The following CLEC16A variants were observed in gnomAD, a reference collection of about 807,000 sequenced individuals.
CLEC16A encodes C-type lectin domain containing 16A.
CLEC16A carries 51 observed loss-of-function variants against 109.5 expected under a neutral mutation model. The ratio of observed to expected loss-of-function variants is 0.47; its 90% confidence interval spans 0.37 to 0.59. CLEC16A has a LOEUF of 0.59. Among genes scored for constraint, CLEC16A ranks in the 20% least tolerant of loss-of-function variants. The probability of loss-of-function intolerance (pLI) is 0.00; values close to 1 mark genes in which losing one functional copy is unlikely to be tolerated. For missense variants in CLEC16A, 1,339 were observed against 1,394.0 expected (o/e 0.96, Z 0.63); for synonymous variants, 673 against 564.2 (o/e 1.19, Z -2.73).
chr16:11,141,560 G>T (rs1032781899), intron 22 of CLEC16A, among the ~76,000 whole-genome samples: 5 of 152,252 alleles, frequency 3.3e-5, no homozygotes, highest in African/African-American at 1.2e-4. Context: ...TGCGTGCTCT[G>T]GGTGGCCTCG....
At chr16:11,109,320 A>T (rs944929633) in intron 19 of CLEC16A, among the ~76,000 whole-genome samples, 1 of 151,764 alleles carries the variant, frequency 6.6e-6, no homozygotes, top group Non-Finnish European at 1.5e-5. Flanking sequence ...CACCCAGCTA[A>T]TTTTTTTATT....
intron 23 of CLEC16A, among the ~76,000 whole-genome samples, chr16:11,170,620 G>C (rs1026632259): frequency 6.6e-6 from 1 of 152,144 alleles, no homozygotes; most frequent in Non-Finnish European, 1.5e-5. Context: ...CCCACACGTG[G>C]CCTTCCAACC....
intron 4 of CLEC16A, among the ~76,000 whole-genome samples, chr16:10,970,798 G>A (rs148810277): frequency 4.6e-5 from 7 of 152,070 alleles, no homozygotes; most frequent in African/African-American, 9.7e-5. Context: ...CCAGCCTGGC[G>A]TGCAGTGGCA....
At chr16:10,969,341 G>T in intron 4 of CLEC16A, 32 bp downstream of exon 4, 25 of 1,404,964 alleles carry the variant, frequency 1.8e-5, no homozygotes, top group Non-Finnish European at 1.9e-5. Flanking sequence ...ACGTGTGGGT[G>T]TAAAGCCACA....
chr16:11,178,711 T>C lies in CLEC16A; in HGVS notation c.*21T>C, dbSNP rs2068864754. 1 of 1,443,416 alleles carries C rather than the reference T, an allele frequency of 6.9e-7. No individual in the cohort carries two copies. Among genetic ancestry groups the C allele is most frequent in the Non-Finnish European group, 9.1e-7 (1 of 1,096,218 alleles). The allele number at this position is 1,443,416 out of a possible 1,614,324, so 89.4% of individuals were successfully genotyped here. Reference sequence around the variant, plus strand: ...ACTGAGTCAGTGCCGGGGCCTCCCTTTGTGTGTGTGGCCCCGCTGGTAGGG... The same window carrying C: ...ACTGAGTCAGTGCCGGGGCCTCCCTCTGTGTGTGTGGCCCCGCTGGTAGGG... On this transcript the variant is annotated 3_prime_UTR_variant, in exon 24 of 24. Transcript: ENST00000409790. The surrounding 1 kb of genome is among the most constrained non-coding windows in gnomAD (Gnocchi z 6.5).
At chr16:10,952,146 T>C (rs567931282) in intron 1 of CLEC16A, among the ~76,000 whole-genome samples, 11 of 152,240 alleles carry the variant, frequency 7.2e-5, no homozygotes, top group Non-Finnish European at 7.3e-5. Context: ...TCTTTCATTG[T>C]TGTCAAAGTT....
intron 13 of CLEC16A, 87 bp from the exon 14 acceptor site, chr16:11,039,667 G>A (rs1336085356): frequency 4.2e-6 from 6 of 1,418,352 alleles, no homozygotes; most frequent in Non-Finnish European, 5.6e-6. Context: ...GGCTGAAGTT[G>A]AGGAAACCCC....
At chr16:11,115,774 A>T (rs1328812026) in intron 19 of CLEC16A, among the ~76,000 whole-genome samples, 1 of 152,204 alleles carries the variant, frequency 6.6e-6, no homozygotes, top group African/African-American at 2.4e-5. Flanking sequence ...GTAGAAGACT[A>T]GTCATCTAGA....
At position 11,027,516 on chromosome 16, in the gene CLEC16A, A is replaced by T. The variant is rs563838118; in HGVS notation, c.1537+2595A>T. On this transcript the variant is annotated intron_variant, in intron 13 of 23. Transcript: ENST00000409790. ...ACAAGCCAAGGTCAAGAGTAAGACC[A>T]TCCCTCTGACAGACAACACAGTGAT... 5.7e-6 allele frequency: 9 copies of T among 1,579,746 alleles called. No homozygotes were observed. In the East Asian group the frequency reaches 2.0e-4, roughly 35 times the overall value.
intron 11 of CLEC16A, among the ~76,000 whole-genome samples, chr16:11,011,333 CATTT>C (rs758209346): frequency 2.0e-5 from 3 of 152,134 alleles, no homozygotes; most frequent in Non-Finnish European, 4.4e-5. Flanking sequence ...CCCTTCTTCT[CATTT>C]ATTTATTTAT....
At chr16:10,988,731 G>A (rs984035018) in intron 10 of CLEC16A, among the ~76,000 whole-genome samples, 4 of 151,978 alleles carry the variant, frequency 2.6e-5, no homozygotes, top group Non-Finnish European at 2.9e-5. Flanking sequence ...TCCTCAAATC[G>A]TGGTCCCTGA....
At chr16:11,089,139 C>G (rs910788480) in intron 19 of CLEC16A, among the ~76,000 whole-genome samples, 1 of 152,202 alleles carries the variant, frequency 6.6e-6, no homozygotes, top group East Asian at 1.9e-4. Flanking sequence ...TTGTTCACCA[C>G]GGTCACTCCA....
chr16:11,084,443 C>A (rs1198236131), intron 19 of CLEC16A, among the ~76,000 whole-genome samples: 1 of 152,034 alleles, frequency 6.6e-6, no homozygotes, highest in African/African-American at 2.4e-5. Flanking sequence ...GAAGACAGGC[C>A]AGATATGAAT....
chr16:11,136,844 C>A (rs1288480806), intron 22 of CLEC16A, among the ~76,000 whole-genome samples: 2 of 152,212 alleles, frequency 1.3e-5, no homozygotes, highest in Admixed American at 1.3e-4. Context: ...GCACTGCGCC[C>A]ATCTGAGCCA....
At chr16:10,957,968 A>G in intron 2 of CLEC16A, 58 bp downstream of exon 2, 2 of 1,537,832 alleles carry the variant, frequency 1.3e-6, no homozygotes, top group Non-Finnish European at 1.8e-6. Flanking sequence ...GTTTTTCTAA[A>G]TGTATACTAT....
At position 11,067,197 on chromosome 16, in the gene CLEC16A, T is replaced by G. The variant is rs867569564; in HGVS notation, c.2116+6175T>G. 6.0e-3 allele frequency among the ~76,000 whole-genome samples: 892 copies of G among 148,008 alleles called. 3 individuals are homozygous for G. Among genetic ancestry groups the G allele is most frequent in the African/African-American group, 0.018 (723 of 40,348 alleles). ...TTTTTTTGTTTGTTTTTGTTTTTTT[T>G]TTTTTTTTTTTTTAAAAAAAGCAAG... On this transcript the variant is annotated intron_variant, in intron 19 of 23. Coordinates refer to ENST00000409790, the MANE Select transcript of CLEC16A (RefSeq NM_015226.3).
At chr16:11,133,832 C>G (rs11860471) in intron 22 of CLEC16A, among the ~76,000 whole-genome samples, 2,117 of 152,322 alleles carry the variant, frequency 0.014, 32 homozygotes, top group African/African-American at 0.047. Context: ...GGGGCTTCCT[C>G]CAGCTTCTCC....
chr16:11,100,943 C>A (rs1001609675), intron 19 of CLEC16A, among the ~76,000 whole-genome samples: 1 of 152,160 alleles, frequency 6.6e-6, no homozygotes, highest in East Asian at 1.9e-4. Context: ...GCTTTATGGT[C>A]TGTCTGTTGA....
chr16:11,097,934 G>A (rs898617140), intron 19 of CLEC16A, among the ~76,000 whole-genome samples: 11 of 152,206 alleles, frequency 7.2e-5, no homozygotes, highest in South Asian at 2.1e-4. Flanking sequence ...GCCCACGGGC[G>A]ACAGGTGTAG....
Sources: gnomAD v4.1 joint callset for allele counts (sites outside exome capture counted in the v4.1 genomes callset) on GRCh38, gnomAD v4.1.1 for gene constraint, Gnocchi (gnomAD v3.1) non-coding constraint, MANE v1.5 for transcripts, NCBI Gene and HGNC (gene_info 2026-07-23, HGNC 2026-07-21) for gene names.